The following FAM193A variants were observed in gnomAD, a reference collection of about 807,000 sequenced individuals.
The protein encoded by FAM193A is protein FAM193A.
In FAM193A, 22 loss-of-function variants were observed where a neutral mutation model predicts 126.5. That is an observed-to-expected ratio of 0.17 (90% confidence interval 0.12 to 0.25). FAM193A has a LOEUF of 0.25. FAM193A is among the 10% of genes least tolerant of loss of function. The pLI is 1.00. For missense variants in FAM193A, 1,675 were observed against 1,672.8 expected, an observed-to-expected ratio of 1.00 and a Z score of -0.02; for synonymous variants, 761 against 646.8, an observed-to-expected ratio of 1.18 and a Z score of -2.68.
At chr4:2,603,451 ATTTT>A (rs71178489) in intron 2 of FAM193A, among the ~76,000 whole-genome samples, 3,495 of 99,232 alleles carry the variant, frequency 0.035, 40 homozygotes, top group South Asian at 0.082. Flanking sequence ...CGCCCAGCTA[ATTTT>A]TTTTTTTTTT....
intron 13 of FAM193A, among the ~76,000 whole-genome samples, chr4:2,683,284 CTTTTTTT>C (rs200488691): frequency 7.0e-6 from 1 of 142,224 alleles, no homozygotes; most frequent in African/African-American, 2.6e-5. Flanking sequence ...AAGATTTTCT[CTTTTTTT>C]TTTTTTTGTT....
At chr4:2,545,496 A>G (rs1737490749) in intron 1 of FAM193A, among the ~76,000 whole-genome samples, 1 of 152,108 alleles carries the variant, frequency 6.6e-6, no homozygotes, top group East Asian at 1.9e-4. Flanking sequence ...CTATGAGTCA[A>G]CTGATGTGTC....
rs781012887 is a variant in FAM193A at position 2,672,342 on chromosome 4, G to A, written c.2301G>A (p.Leu767=). The change falls in exon 13 of 21, where the codon TTG becomes TTA. Residue 767 remains leucine, a synonymous_variant. Coordinates refer to ENST00000637812, the MANE Select transcript of FAM193A (RefSeq NM_001366318.2). The stretch of plus-strand genomic sequence containing the variant: ...CACGCCCTCTCATCCACCCCACCTT[G>A]TATGCAACGCCCCCCTTCACACACA... ...HLPRPLIHPT[L]YATPPFTHSK... is the part of the protein sequence containing the mutation. 1 of 1,614,058 alleles carries A rather than the reference G, an allele frequency of 6.2e-7. No homozygotes were observed. Among genetic ancestry groups the A allele is most frequent in the Admixed American group, 1.7e-5 (1 of 59,996 alleles).
In FAM193A at chr4:2,700,063, A is replaced by C. The variant is rs770037217; in HGVS notation, c.3891A>C (p.Ala1297=). 9 of 1,614,000 alleles carry C rather than the reference A, an allele frequency of 5.6e-6. No individual in the cohort carries two copies. In the Admixed American group the frequency reaches 1.5e-4, roughly 27 times the overall value. Residue 1297 remains alanine, a synonymous_variant, in exon 19 of 21, where the codon GCA becomes GCC. Coordinates refer to ENST00000637812, the MANE Select transcript of FAM193A (RefSeq NM_001366318.2). ...GGCTAGGGGCTGATGGGGATGCTGC[A>C]GACCCCGTCGACACCAGAGACTCCA... ...RPGLGADGDA[A]DPVDTRDSKF...
At position 2,561,471 on chromosome 4, in the gene FAM193A, C is replaced by G. The variant is rs1435442923; in HGVS notation, c.255+24301C>G. ...GTGCTGGGATTACAGGCATGAGCCA[C>G]CATGCCTGGCTGCTTGTAGAGATTT... On this transcript the variant is annotated intron_variant, in intron 1 of 20. Transcript: ENST00000637812. Among the ~76,000 whole-genome samples, 5 of 149,604 alleles carry G rather than the reference C, an allele frequency of 3.3e-5. No individual in the cohort carries two copies. The East Asian group carries it at 9.9e-4, about 30-fold the overall frequency.
At chr4:2,640,607 C>T (rs1488690898) in intron 6 of FAM193A, among the ~76,000 whole-genome samples, 1 of 152,106 alleles carries the variant, frequency 6.6e-6, no homozygotes, top group Non-Finnish European at 1.5e-5. Flanking sequence ...TTCTATTTAC[C>T]ACATGTGAGC....
chr4:2,588,143 C>T (rs1317955688), intron 1 of FAM193A, among the ~76,000 whole-genome samples: 1 of 152,160 alleles, frequency 6.6e-6, no homozygotes, highest in East Asian at 1.9e-4. Context: ...AGTCCATGTC[C>T]CTGTTCTTCC....
chr4:2,645,923 G>T (rs1577128302), intron 6 of FAM193A, among the ~76,000 whole-genome samples: 1 of 152,284 alleles, frequency 6.6e-6, no homozygotes, highest in African/African-American at 2.4e-5. Flanking sequence ...TTGAAAACCA[G>T]ATCTAAATTT....
intron 1 of FAM193A, among the ~76,000 whole-genome samples, chr4:2,557,908 T>A (rs954810649): frequency 2.0e-5 from 3 of 151,506 alleles, no homozygotes; most frequent in African/African-American, 7.3e-5. Context: ...GCCAAGAACG[T>A]GCCACTGCAC....
At chr4:2,618,650 C>T (rs1455033646) in intron 2 of FAM193A, among the ~76,000 whole-genome samples, 9 of 139,964 alleles carry the variant, frequency 6.4e-5, no homozygotes, top group African/African-American at 2.2e-4. Context: ...GGCTGAAGTG[C>T]AATGGTGTGA....
Position 2,693,639 on chromosome 4 carries a change from G to A in FAM193A, c.2857G>A (p.Ala953Thr), listed in dbSNP as rs762454463. 73 of 1,613,950 alleles carry A rather than the reference G, an allele frequency of 4.5e-5. No individual in the cohort carries two copies. The highest frequency in any genetic ancestry group is 9.3e-5 in the African/African-American group (7 of 74,914). Residue 953 changes from alanine to threonine, a missense_variant, in exon 16 of 21, where the codon GCC (alanine) becomes ACC (threonine). This residue lies in a region of FAM193A where 1,186 missense variants were observed against 1,109.2 expected (regional missense o/e 1.07). Transcript: ENST00000637812. ...GGACCACAGACACTCGGCCCCAGCC[G>A]CCCCGAGGAATAGCCCCACGGGCTT... is the stretch of plus-strand genomic sequence containing the variant. ...KEDHRHSAPA[A>T]PRNSPTGLAP...
intron 1 of FAM193A, among the ~76,000 whole-genome samples, chr4:2,538,801 A>C (rs1008502680): frequency 6.6e-6 from 1 of 152,214 alleles, no homozygotes; most frequent in Non-Finnish European, 1.5e-5. Flanking sequence ...GTGGCACAAT[A>C]AAATTCTTAG....
At chr4:2,716,368 C>T (rs1719534777) in intron 20 of FAM193A, among the ~76,000 whole-genome samples, 1 of 152,192 alleles carries the variant, frequency 6.6e-6, no homozygotes, top group South Asian at 2.1e-4. Context: ...CCCACCCTTC[C>T]CCGCCAACTG....
At position 2,585,237 on chromosome 4, in the gene FAM193A, G is replaced by A. The variant is rs534333007; in HGVS notation, c.256-10847G>A. Among the ~76,000 whole-genome samples the A allele has an allele frequency of 2.0e-5, 3 of 152,318 alleles. No homozygotes were observed. In the South Asian group the frequency reaches 6.2e-4, roughly 32 times the overall value. On this transcript the variant is annotated intron_variant, in intron 1 of 20. Transcript: ENST00000637812. Reference sequence around the variant, plus strand: ...ACAGGACTTAATATGAGGAAAGATAGATATCCAGAAAAGGAATTACTGGGT... The same window carrying A: ...ACAGGACTTAATATGAGGAAAGATAAATATCCAGAAAAGGAATTACTGGGT...
intron 2 of FAM193A, among the ~76,000 whole-genome samples, chr4:2,616,807 C>A (rs917566595): frequency 6.6e-6 from 1 of 151,410 alleles, no homozygotes; most frequent in African/African-American, 2.4e-5. Flanking sequence ...ACCTCATGAT[C>A]TGCCCGCCCT....
At chr4:2,536,636 C>G (rs1340964239), upstream of FAM193A, 1 of 149,876 alleles carries the variant, frequency 6.7e-6, no homozygotes, top group Non-Finnish European at 1.5e-5. Flanking sequence ...CCTCCCCCGA[C>G]GTAAACTGGG....
At chr4:2,717,407 C>G (rs1335733405) in intron 20 of FAM193A, among the ~76,000 whole-genome samples, 1 of 152,006 alleles carries the variant, frequency 6.6e-6, no homozygotes, top group Non-Finnish European at 1.5e-5. Context: ...ACGAGCCTGG[C>G]CAACATGGTG....
chr4:2,556,912 G>A (rs1738292604), intron 1 of FAM193A, among the ~76,000 whole-genome samples: 1 of 152,046 alleles, frequency 6.6e-6, no homozygotes, highest in South Asian at 2.1e-4. Flanking sequence ...TATGGCACAG[G>A]ATTTTTAAAA....
At chr4:2,661,162 G>T (rs1204437902) in intron 10 of FAM193A, among the ~76,000 whole-genome samples, 1 of 152,124 alleles carries the variant, frequency 6.6e-6, no homozygotes, top group African/African-American at 2.4e-5. Context: ...TCCTTGGGCC[G>T]GAACTGCCCA....
Sources: allele counts gnomAD v4.1 joint callset (sites outside exome capture counted in the v4.1 genomes callset), GRCh38; gene constraint gnomAD v4.1.1; regional missense constraint gnomAD v4.1.1; transcripts MANE v1.5; gene names NCBI Gene and HGNC (gene_info 2026-07-23, HGNC 2026-07-21).